Variants in TBCA observed in about 807,000 individuals in gnomAD.
TBCA encodes the protein tubulin-specific chaperone A.
A neutral mutation model predicts 15.8 loss-of-function variants in TBCA; 6 were observed. The ratio of observed to expected loss-of-function variants is 0.38; its 90% CI spans 0.21 to 0.75. TBCA has a LOEUF of 0.75. Among genes scored for constraint, TBCA ranks in the 30% least tolerant of loss-of-function variants. The pLI is 0.46. For missense variants in TBCA, 90 were observed against 131.2 expected (o/e 0.69, Z 1.53); for synonymous variants, 32 against 42.3 (o/e 0.76, Z 0.94).
intron 1 of TBCA, among the ~76,000 whole-genome samples, chr5:77,746,885 C>T (rs949365045): frequency 1.7e-4 from 26 of 151,962 alleles, no homozygotes; most frequent in African/African-American, 2.9e-4. Flanking sequence ...GCAGTTTCTT[C>T]GAAATAAAAT....
At chr5:77,754,713 T>C (rs1029629431) in intron 1 of TBCA, among the ~76,000 whole-genome samples, 12 of 152,200 alleles carry the variant, frequency 7.9e-5, no homozygotes, top group Admixed American at 4.6e-4. Flanking sequence ...TTATTAAAAA[T>C]TACACAACCA....
intron 1 of TBCA, among the ~76,000 whole-genome samples, chr5:77,755,815 A>G (rs1031778309): frequency 3.3e-5 from 5 of 151,882 alleles, no homozygotes; most frequent in Non-Finnish European, 7.4e-5. Context: ...GACTAGCATA[A>G]CCAACATGGA....
intron 1 of TBCA, among the ~76,000 whole-genome samples, chr5:77,739,323 T>C (rs1746980663): frequency 1.3e-5 from 2 of 151,998 alleles, no homozygotes. Flanking sequence ...TAGCCGGGTG[T>C]GGTGGTGCAC....
chr5:77,692,891 A>G (rs1745786850), intron 3 of TBCA: 1 of 1,178,444 alleles, frequency 8.5e-7, no homozygotes, highest in South Asian at 2.5e-5. Flanking sequence ...AAGATCCCAA[A>G]TTCTTTTGAA....
At chr5:77,739,836 AAAT>A (rs1447373422) in intron 1 of TBCA, among the ~76,000 whole-genome samples, 2 of 152,246 alleles carry the variant, frequency 1.3e-5, no homozygotes, top group Non-Finnish European at 2.9e-5. Flanking sequence ...TCAGTTATCC[AAAT>A]AAGAATACAA....
intron 2 of TBCA, among the ~76,000 whole-genome samples, chr5:77,706,762 G>A (rs932477117): frequency 2.9e-5 from 4 of 136,192 alleles, no homozygotes; most frequent in African/African-American, 1.1e-4. Flanking sequence ...AGTGAGCCAA[G>A]ATTGCACCAC....
At chr5:77,750,262 A>G (rs1449784546) in intron 1 of TBCA, among the ~76,000 whole-genome samples, 1 of 151,986 alleles carries the variant, frequency 6.6e-6, no homozygotes, top group Non-Finnish European at 1.5e-5. Flanking sequence ...AATTACTCAA[A>G]TATTTTAAAA....
rs369475784 is a variant in TBCA at position 77,717,604 on chromosome 5, C to T, written c.54-9257G>A. Among the ~76,000 whole-genome samples, 33 of 151,820 alleles carry T rather than the reference C, an allele frequency of 2.2e-4. 2 individuals carry two copies. Among genetic ancestry groups the T allele is most frequent in the South Asian group, 1.2e-3 (6 of 4,804 alleles). ...CAGCACTTTGGGAGGCCAAGGTGGG[C>T]GTATCACCTGAGGTCAGGAGTTCGA... On this transcript the variant is annotated intron_variant, in intron 1 of 3. Transcript: ENST00000380377.
At chr5:77,692,822 T>C in intron 3 of TBCA, 1 of 1,065,270 alleles carries the variant, frequency 9.4e-7, no homozygotes, top group Non-Finnish European at 1.1e-6. Flanking sequence ...TTACCAGGTT[T>C]TTTCCCCCTC....
Position 77,730,168 on chromosome 5 carries a change from G to A in TBCA, c.54-21821C>T, listed in dbSNP as rs532998280. On this transcript the variant is annotated intron_variant, in intron 1 of 3. Coordinates refer to ENST00000380377, the MANE Select transcript of TBCA (RefSeq NM_004607.3). ...AAATTCATGTCAACCCAGAATCTCA[G>A]AATGTGATCTTCTTTGGAAATATCG... 2.9e-4 allele frequency among the ~76,000 whole-genome samples: 44 copies of A among 152,306 alleles called. No individual in the cohort carries two copies. In the South Asian group the frequency reaches 3.9e-3, roughly 14 times the overall value.
intron 1 of TBCA, among the ~76,000 whole-genome samples, chr5:77,753,857 C>G (rs142990675): frequency 6.6e-6 from 1 of 152,164 alleles, no homozygotes; most frequent in African/African-American, 2.4e-5. Flanking sequence ...CTCCTGGGTT[C>G]AAGTGATTCT....
intron 1 of TBCA, among the ~76,000 whole-genome samples, chr5:77,717,742 G>A (rs1367346872): frequency 6.6e-6 from 1 of 151,844 alleles, no homozygotes; most frequent in African/African-American, 2.4e-5. Context: ...TGAGGCAGGA[G>A]AATCGCTTGA....
intron 1 of TBCA, among the ~76,000 whole-genome samples, chr5:77,741,770 G>T (rs973469226): frequency 1.3e-5 from 2 of 152,080 alleles, no homozygotes; most frequent in African/African-American, 4.8e-5. Context: ...TGAGTTTAGA[G>T]TTGGCCCTTG....
chr5:77,742,316 C>T (rs1356655314), intron 1 of TBCA, among the ~76,000 whole-genome samples: 1 of 152,124 alleles, frequency 6.6e-6, no homozygotes, highest in Non-Finnish European at 1.5e-5. Flanking sequence ...GAATATTCAA[C>T]CTGTAACAAG....
At chr5:77,715,511 C>G (rs1321334686) in intron 1 of TBCA, among the ~76,000 whole-genome samples, 1 of 152,050 alleles carries the variant, frequency 6.6e-6, no homozygotes, top group Non-Finnish European at 1.5e-5. Context: ...TTTTTTCTCT[C>G]AATTATAAAA....
chr5:77,711,267 A>G (rs970955259), intron 1 of TBCA, among the ~76,000 whole-genome samples: 4 of 152,196 alleles, frequency 2.6e-5, no homozygotes, highest in African/African-American at 9.7e-5. Context: ...ATAAGAGCAG[A>G]GAAGAGTAGT....
chr5:77,732,183 G>C (rs1746787760), intron 1 of TBCA, among the ~76,000 whole-genome samples: 2 of 152,106 alleles, frequency 1.3e-5, no homozygotes, highest in African/African-American at 4.8e-5. Context: ...TAGAGCTATA[G>C]CTTCTCCACA....
chr5:77,697,002 G>C (rs1367629479), intron 2 of TBCA, among the ~76,000 whole-genome samples: 1 of 152,032 alleles, frequency 6.6e-6, no homozygotes, highest in Non-Finnish European at 1.5e-5. Flanking sequence ...AGACAAAGAG[G>C]GATGTTACAT....
chr5:77,729,820 T>C (rs1373888905), intron 1 of TBCA, among the ~76,000 whole-genome samples: 2 of 152,188 alleles, frequency 1.3e-5, no homozygotes, highest in African/African-American at 4.8e-5. Context: ...TACATTCTCT[T>C]TGTGAAAATG....
Sources: gnomAD v4.1 joint callset for allele counts (sites outside exome capture counted in the v4.1 genomes callset) on GRCh38, gnomAD v4.1.1 for gene constraint, MANE v1.5 for transcripts, NCBI Gene and HGNC (gene_info 2026-07-23, HGNC 2026-07-21) for gene names.